Variants in THADA observed in about 807,000 individuals in gnomAD.
The protein encoded by THADA is THADA armadillo repeat containing, also known as tRNA (32-2'-O)-methyltransferase regulator THADA.
In THADA, 213 loss-of-function variants were observed where a neutral mutation model predicts 219.8. The ratio of observed to expected loss-of-function variants is 0.97; its 90% CI spans 0.87 to 1.09. The LOEUF is 1.09. THADA is among the 50% of genes least tolerant of loss of function. The pLI, the probability that THADA is intolerant of heterozygous loss-of-function variation, is 0.00. For missense variants in THADA, 2,956 were observed against 2,311.3 expected (o/e 1.28, Z -5.72); for synonymous variants, 1,018 against 828.9 (o/e 1.23, Z -3.92).
intron 24 of THADA, among the ~76,000 whole-genome samples, chr2:43,500,653 T>G (rs1304891383): frequency 2.0e-5 from 3 of 152,224 alleles, no homozygotes. Context: ...TGCAGCAGAT[T>G]GATCAGAAAC....
intron 29 of THADA, among the ~76,000 whole-genome samples, chr2:43,367,314 T>A (rs1016141068): frequency 6.6e-6 from 1 of 152,184 alleles, no homozygotes; most frequent in Non-Finnish European, 1.5e-5. Flanking sequence ...ATGGTTAAGA[T>A]AGTAAATTTT....
intron 22 of THADA, among the ~76,000 whole-genome samples, chr2:43,513,324 A>G (rs933318702): frequency 1.3e-5 from 2 of 152,208 alleles, no homozygotes; most frequent in African/African-American, 4.8e-5. Context: ...AAAATATACA[A>G]ATAGAAACCC....
At chr2:43,519,818 A>G (rs954830194) in intron 22 of THADA, among the ~76,000 whole-genome samples, 2 of 152,308 alleles carry the variant, frequency 1.3e-5, no homozygotes, top group South Asian at 4.1e-4. Flanking sequence ...CAGGTATAAA[A>G]AGCAGGGAGC....
At chr2:43,505,772 A>C in intron 23 of THADA, 37 bp from the exon 24 acceptor site, 1 of 1,417,088 alleles carries the variant, frequency 7.1e-7, no homozygotes, top group South Asian at 1.2e-5. Flanking sequence ...CAGGGTTCTT[A>C]GTTTACATAT....
chr2:43,529,471 C>T (rs542411871), intron 21 of THADA, among the ~76,000 whole-genome samples: 156 of 152,250 alleles, frequency 1.0e-3, no homozygotes, highest in Non-Finnish European at 2.0e-3. Context: ...ATCAGCCTCC[C>T]GAGTAGCTGT....
At chr2:43,285,764 T>C (rs1673924992) in intron 35 of THADA, among the ~76,000 whole-genome samples, 1 of 152,178 alleles carries the variant, frequency 6.6e-6, no homozygotes, top group Non-Finnish European at 1.5e-5. Flanking sequence ...TTGGTCAGGC[T>C]GGTCTCGAAC....
At chr2:43,364,875 G>A (rs1366111881) in intron 29 of THADA, among the ~76,000 whole-genome samples, 1 of 152,102 alleles carries the variant, frequency 6.6e-6, no homozygotes, top group African/African-American at 2.4e-5. Flanking sequence ...GTGTTTATAA[G>A]CAACTGTAAG....
chr2:43,578,469 C>A (rs6759861), intron 9 of THADA, 44 bp downstream of exon 9: 4 of 1,497,114 alleles, frequency 2.7e-6, no homozygotes, highest in South Asian at 2.3e-5. Context: ...TAAACATACC[C>A]TAACTCTCAA....
Position 43,462,240 on chromosome 2 carries a change from G to GT in THADA, c.3836+22993dup, listed in dbSNP as rs1181123483. Among the ~76,000 whole-genome samples, 6 of 152,266 alleles carry GT rather than the reference G, an allele frequency of 3.9e-5. No individual in the cohort carries two copies. In the South Asian group the frequency reaches 6.2e-4, roughly 16 times the overall value. On this transcript the variant is annotated intron_variant, in intron 26 of 37. Transcript: ENST00000405975. Reference sequence around the variant, plus strand: ...AAAACACCTGCTTTCCAAACCATGGGTAACGTTCAGGCATCTTTCCACAGA... The same window carrying GT: ...AAAACACCTGCTTTCCAAACCATGGGTTAACGTTCAGGCATCTTTCCACAGA...
At chr2:43,354,242 C>T (rs970677714) in intron 29 of THADA, among the ~76,000 whole-genome samples, 5 of 152,012 alleles carry the variant, frequency 3.3e-5, no homozygotes, top group Non-Finnish European at 7.4e-5. Flanking sequence ...AGGCATGAGC[C>T]ACCATGCCTG....
At position 43,293,143 on chromosome 2, in the gene THADA, G is replaced by T. The variant is rs1248124819; in HGVS notation, c.4509C>A (p.Phe1503Leu). ...GGCCTGGCACCTTGAAGGCCCAAGG[G>T]AATCCCGTTATCAGCTCTGATCCTG... ...IISGSELITGFPWAFKVPGLP... is the reference protein window; with the variant it reads ...IISGSELITGLPWAFKVPGLP... Residue 1503 changes from phenylalanine (F) to leucine (L), a missense_variant, in exon 32 of 38, where the codon TTC becomes TTA. Phe to Leu is a conservative substitution (Grantham distance 22, BLOSUM62 0). Transcript: ENST00000405975. 2 of 1,613,974 alleles carry T rather than the reference G, an allele frequency of 1.2e-6. No homozygotes were observed. Among genetic ancestry groups the T allele is most frequent in the East Asian group, 2.2e-5 (1 of 44,886 alleles).
At chr2:43,293,480 T>TCAATACGAA (rs918106785) in intron 31 of THADA, among the ~76,000 whole-genome samples, 2 of 151,962 alleles carry the variant, frequency 1.3e-5, no homozygotes, top group Non-Finnish European at 2.9e-5. Context: ...TCCTCAACAT[T>TCAATACGAA]CAATAAATAC....
At chr2:43,348,270 C>T (rs1221503753) in intron 29 of THADA, among the ~76,000 whole-genome samples, 2 of 152,144 alleles carry the variant, frequency 1.3e-5, no homozygotes, top group South Asian at 2.1e-4. Context: ...GAGCTGGCCC[C>T]GGAGATGAGA....
chr2:43,286,877 G>A (rs371617342), intron 35 of THADA, 31 bp downstream of exon 35: 8 of 1,595,884 alleles, frequency 5.0e-6, no homozygotes, highest in Non-Finnish European at 6.9e-6. Context: ...AGTGAGTTTG[G>A]TACAACAGAC....
chr2:43,497,255 T>C (rs1003786486), intron 25 of THADA, among the ~76,000 whole-genome samples: 2 of 152,210 alleles, frequency 1.3e-5, no homozygotes, highest in African/African-American at 4.8e-5. Context: ...ATTGCAGCAC[T>C]ATTTACAATA....
intron 31 of THADA, among the ~76,000 whole-genome samples, chr2:43,318,047 TTA>T (rs1678275362): frequency 6.6e-6 from 1 of 152,240 alleles, no homozygotes; most frequent in African/African-American, 2.4e-5. Flanking sequence ...TTATTTTATT[TTA>T]TTTTTTTTGA....
chr2:43,490,390 G>C (rs1687478758), intron 25 of THADA, among the ~76,000 whole-genome samples: 1 of 152,202 alleles, frequency 6.6e-6, no homozygotes, highest in Admixed American at 6.5e-5. Context: ...AGTGACAAGA[G>C]TGGATTTCCT....
rs553431027 is a variant in THADA at position 43,267,330 on chromosome 2, CTCTA to C, written c.5296+12431_5296+12434del. Reference sequence around the variant, plus strand: ...ACTCCCAACAGTTTAGAAGCAGATGCTCTATCTAATTCATCCCTGTGTCCCCAGA... The same window carrying C: ...ACTCCCAACAGTTTAGAAGCAGATGCTCTAATTCATCCCTGTGTCCCCAGA... On this transcript the variant is annotated intron_variant, in intron 36 of 37. Transcript: ENST00000405975. 2.2e-3 allele frequency among the ~76,000 whole-genome samples: 331 copies of C among 152,338 alleles called. 1 individual carries two copies. The highest frequency in any genetic ancestry group is 7.5e-3 in the African/African-American group (311 of 41,566).
chr2:43,319,778 G>C lies in THADA; in HGVS notation c.4438+668C>G, dbSNP rs114597869. Among the ~76,000 whole-genome samples the C allele has an allele frequency of 9.8e-3, 1,485 of 152,290 alleles. 25 individuals are homozygous for C. Among genetic ancestry groups the C allele is most frequent in the African/African-American group, 0.034 (1,411 of 41,546 alleles). On this transcript the variant is annotated intron_variant, in intron 31 of 37. Transcript: ENST00000405975. ...GACTCATTACCCTGCATTCCAGTTT[G>C]TGCTGATGAAAATCAGTTTCAGTCC...
Sources: gnomAD v4.1 joint callset for allele counts (sites outside exome capture counted in the v4.1 genomes callset) on GRCh38, gnomAD v4.1.1 for gene constraint, MANE v1.5 for transcripts, NCBI Gene and HGNC (gene_info 2026-07-23, HGNC 2026-07-21) for gene names.